Variants in AFF3 observed in about 807,000 individuals in gnomAD.
The protein encoded by AFF3 is ALF transcription elongation factor 3, also known as AF4/FMR2 family member 3.
AFF3 carries 32 observed loss-of-function variants against 129.7 expected under a neutral mutation model. The ratio of observed to expected loss-of-function variants is 0.25; its 90% CI spans 0.19 to 0.33. The LOEUF (loss-of-function observed/expected upper bound fraction) is 0.33, where lower values mean the gene tolerates loss of function less well. AFF3 is among the 10% of genes least tolerant of loss of function. The pLI is 1.00. For synonymous variants in AFF3, 644 were observed against 635.4 expected (o/e 1.01, Z -0.20); for missense variants, 1,373 against 1,592.0 (o/e 0.86, Z 2.34).
chr2:99,692,187 T>C (rs1675731852), intron 11 of AFF3, among the ~76,000 whole-genome samples: 1 of 152,148 alleles, frequency 6.6e-6, no homozygotes. Context: ...TGAGGCCTCC[T>C]CCTGCCCAAA....
At chr2:99,982,874 AAC>A (rs1317263207) in intron 7 of AFF3, among the ~76,000 whole-genome samples, 1 of 152,220 alleles carries the variant, frequency 6.6e-6, no homozygotes, top group African/African-American at 2.4e-5. Flanking sequence ...GAGGAAACAG[AAC>A]ATTATGCTTT....
rs555863764 is a variant in AFF3 at position 100,079,056 on chromosome 2, C to G, written c.53+25346G>C. Among the ~76,000 whole-genome samples the G allele has an allele frequency of 3.3e-5, 5 of 151,674 alleles. No homozygotes were observed. In the East Asian group the frequency reaches 9.8e-4, roughly 30 times the overall value. On this transcript the variant is annotated intron_variant, in intron 4 of 24. Transcript: ENST00000672756. Reference sequence around the variant, plus strand: ...CTGCCTCCCAGGTTCACGCCATTCTCCTGCCTCAGCCTCCCGAGTAGCTGA... The same window carrying G: ...CTGCCTCCCAGGTTCACGCCATTCTGCTGCCTCAGCCTCCCGAGTAGCTGA...
chr2:99,849,094 C>T (rs1328620178), intron 7 of AFF3, among the ~76,000 whole-genome samples: 1 of 151,996 alleles, frequency 6.6e-6, no homozygotes, highest in Non-Finnish European at 1.5e-5. Flanking sequence ...CAATGGATGA[C>T]AGAGAAAAGC....
intron 4 of AFF3, among the ~76,000 whole-genome samples, chr2:100,010,253 T>G (rs940605873): frequency 6.6e-6 from 1 of 152,220 alleles, no homozygotes; most frequent in South Asian, 2.1e-4. Context: ...AAGGAACTTA[T>G]AAAAATTGTG....
In AFF3 at chr2:99,576,515, C is replaced by CAA. The variant is rs776848009; in HGVS notation, c.2918+1810_2918+1811dup. Among the ~76,000 whole-genome samples, 110 of 62,900 alleles carry CAA rather than the reference C, an allele frequency of 1.7e-3. 1 individual carries two copies. Among genetic ancestry groups the CAA allele is most frequent in the South Asian group, 4.7e-3 (8 of 1,690 alleles). 41.3% of individuals were successfully genotyped at this position (62,900 alleles called of 152,430 possible). A position where few individuals can be genotyped will look rare whatever the true frequency, so the allele number is the denominator to read the frequency against. ...TGCGTGACAGGGCAAGACCCTGTCT[C>CAA]AAAAAAAAAAAAAAAAAAAAAGTCC... On this transcript the variant is annotated intron_variant, in intron 18 of 24. Coordinates refer to ENST00000672756, the MANE Select transcript of AFF3 (RefSeq NM_001386135.1).
chr2:99,740,573 G>A (rs1014446432), intron 10 of AFF3, among the ~76,000 whole-genome samples: 72 of 151,112 alleles, frequency 4.8e-4, no homozygotes, highest in African/African-American at 1.6e-3. Context: ...GTGATGGTGA[G>A]CATTTTTTCA....
chr2:99,695,927 A>G (rs1676174669), intron 11 of AFF3, among the ~76,000 whole-genome samples: 1 of 121,402 alleles, frequency 8.2e-6, no homozygotes, highest in African/African-American at 3.1e-5. Context: ...AAGATTACTT[A>G]CTGGAAAAAT....
At chr2:99,793,673 G>A (rs1026256960) in intron 8 of AFF3, among the ~76,000 whole-genome samples, 11 of 152,028 alleles carry the variant, frequency 7.2e-5, no homozygotes, top group Non-Finnish European at 1.3e-4. Flanking sequence ...CTTTTCTGTT[G>A]TTTAGCCCAC....
chr2:99,690,447 C>T (rs1315308616), intron 11 of AFF3, among the ~76,000 whole-genome samples: 2 of 152,008 alleles, frequency 1.3e-5, no homozygotes, highest in Non-Finnish European at 2.9e-5. Context: ...TCCCAAAGTG[C>T]TGGGATTACA....
At chr2:99,921,411 C>T (rs1227304460) in intron 7 of AFF3, among the ~76,000 whole-genome samples, 1 of 152,040 alleles carries the variant, frequency 6.6e-6, no homozygotes, top group Non-Finnish European at 1.5e-5. Flanking sequence ...TGTAGTATCC[C>T]AGATTGGATC....
At chr2:99,793,329 C>CCTGCAGAA (rs1269139728) in intron 8 of AFF3, among the ~76,000 whole-genome samples, 1 of 152,204 alleles carries the variant, frequency 6.6e-6, no homozygotes, top group Non-Finnish European at 1.5e-5. Flanking sequence ...TCTTAAACAG[C>CCTGCAGAA]CTGCAGAACC....
At chr2:100,016,099 GTGA>G (rs374224904) in intron 4 of AFF3, among the ~76,000 whole-genome samples, 212 of 151,270 alleles carry the variant, frequency 1.4e-3, no homozygotes, top group African/African-American at 4.8e-3. Flanking sequence ...GGTAGTGGTA[GTGA>G]TGGTGGTGGT....
Position 100,044,965 on chromosome 2 carries a change from G to T in AFF3, c.54-36033C>A, listed in dbSNP as rs78788059. Among the ~76,000 whole-genome samples the T allele has an allele frequency of 8.1e-3, 1,227 of 152,212 alleles. 21 individuals carry two copies. The highest frequency in any genetic ancestry group is 0.028 in the African/African-American group (1,162 of 41,530). On this transcript the variant is annotated intron_variant, in intron 4 of 24. Coordinates refer to ENST00000672756, the MANE Select transcript of AFF3 (RefSeq NM_001386135.1). ...AGAGAGAGATGGGAACAAGCTAGGG[G>T]GATGTGGACAAGACGGCAATCTGCT...
At chr2:100,032,735 T>C (rs1052646233) in intron 4 of AFF3, among the ~76,000 whole-genome samples, 1 of 152,214 alleles carries the variant, frequency 6.6e-6, no homozygotes. Context: ...TATGTCTTCA[T>C]ATATGCTTGG....
At chr2:100,071,546 T>C (rs766864790) in intron 4 of AFF3, among the ~76,000 whole-genome samples, 35 of 152,006 alleles carry the variant, frequency 2.3e-4, no homozygotes, top group Non-Finnish European at 4.6e-4. Flanking sequence ...GGAAGTGTGG[T>C]TCTGTGAGGC....
chr2:100,090,410 C>T (rs1689756270), intron 4 of AFF3, among the ~76,000 whole-genome samples: 1 of 152,228 alleles, frequency 6.6e-6, no homozygotes, highest in Admixed American at 6.5e-5. Flanking sequence ...GAGTATACAA[C>T]TAATTGCAAG....
Position 99,710,192 on chromosome 2 carries a change from T to TA in AFF3, c.1091+16884dup, listed in dbSNP as rs557134733. 1.8e-4 allele frequency among the ~76,000 whole-genome samples: 27 copies of TA among 152,372 alleles called. No homozygotes were observed. In the East Asian group the frequency reaches 3.3e-3, roughly 18 times the overall value. The stretch of plus-strand genomic sequence containing the variant: ...ACACTTATTGTCCCTGCAGAATTGT[T>TA]ACACTATTACCCTTATTTTTATAAA... On this transcript the variant is annotated intron_variant, in intron 11 of 24. Transcript: ENST00000672756.
chr2:99,661,865 C>T (rs949559656), intron 12 of AFF3, among the ~76,000 whole-genome samples: 2 of 152,180 alleles, frequency 1.3e-5, no homozygotes, highest in Non-Finnish European at 2.9e-5. Context: ...ACTGGCCAGG[C>T]TCGCTGGCTT....
At chr2:100,139,731 A>T (rs756840846) in intron 1 of AFF3, among the ~76,000 whole-genome samples, 32 of 152,166 alleles carry the variant, frequency 2.1e-4, no homozygotes, top group Non-Finnish European at 4.3e-4. Context: ...GCTATGTTTT[A>T]AAACATTGAG....
Sources: gnomAD v4.1 joint callset for allele counts (sites outside exome capture counted in the v4.1 genomes callset) on GRCh38, gnomAD v4.1.1 for gene constraint, MANE v1.5 for transcripts, NCBI Gene and HGNC (gene_info 2026-07-23, HGNC 2026-07-21) for gene names.